Variants in DPYS observed in about 807,000 individuals in gnomAD.
The protein encoded by DPYS is dihydropyrimidinase, also known as dihydropyrimidine amidohydrolase.
A neutral mutation model predicts 50.3 loss-of-function variants in DPYS; 39 were observed. The ratio of observed to expected loss-of-function variants is 0.78; its 90% CI spans 0.60 to 1.01. The LOEUF (loss-of-function observed/expected upper bound fraction) is 1.01, where lower values mean the gene tolerates loss of function less well. Among genes scored for constraint, DPYS ranks in the 50% least tolerant of loss-of-function variants. The pLI, the probability that DPYS is intolerant of heterozygous loss-of-function variation, is 0.00. For synonymous variants in DPYS, 245 were observed against 250.7 expected (o/e 0.98, Z 0.22); for missense variants, 659 against 680.9 (o/e 0.97, Z 0.36).
chr8:104,440,784 A>G (rs1813328187), intron 4 of DPYS, among the ~76,000 whole-genome samples: 1 of 151,878 alleles, frequency 6.6e-6, no homozygotes. Context: ...AACAAAAAAC[A>G]AAAAAAAGAA....
chr8:104,443,722 G>A (rs1029372618), intron 4 of DPYS, among the ~76,000 whole-genome samples: 4 of 152,146 alleles, frequency 2.6e-5, no homozygotes, highest in Admixed American at 6.5e-5. Context: ...GTGAAACCCC[G>A]TCTCTACTAA....
intron 8 of DPYS, among the ~76,000 whole-genome samples, chr8:104,390,654 C>T (rs1306233914): frequency 2.0e-5 from 3 of 152,028 alleles, no homozygotes; most frequent in South Asian, 2.1e-4. Context: ...TGCGCTGCCA[C>T]GCCCAACTAA....
chr8:104,444,552 G>A, intron 3 of DPYS, 115 bp from the exon 4 acceptor site: 2 of 1,047,694 alleles, frequency 1.9e-6, no homozygotes, highest in Non-Finnish European at 2.8e-6. Context: ...AGGTATAGGG[G>A]TGTGTGTGTG....
At chr8:104,460,035 T>C (rs1814069739) in intron 1 of DPYS, among the ~76,000 whole-genome samples, 20 of 152,132 alleles carry the variant, frequency 1.3e-4, no homozygotes, top group Admixed American at 1.3e-3. Flanking sequence ...CCTATATATG[T>C]ATGTGAATTT....
chr8:104,390,943 C>T (rs191797344), intron 8 of DPYS, among the ~76,000 whole-genome samples: 22 of 152,256 alleles, frequency 1.4e-4, no homozygotes, highest in Admixed American at 1.3e-3. Context: ...TCTTCAGAAA[C>T]ACCGAGGATC....
intron 7 of DPYS, among the ~76,000 whole-genome samples, chr8:104,416,814 A>G (rs750930108): frequency 1.8e-4 from 27 of 152,160 alleles, no homozygotes; most frequent in Non-Finnish European, 3.2e-4. Flanking sequence ...CTAATAAGCC[A>G]TAACCATCAC....
chr8:104,409,055 C>A (rs1003893564), intron 7 of DPYS, among the ~76,000 whole-genome samples: 2 of 151,676 alleles, frequency 1.3e-5, no homozygotes, highest in Non-Finnish European at 2.9e-5. Flanking sequence ...CTCGTGATCC[C>A]AAAGTGCTGG....
chr8:104,421,925 C>T (rs1021964979), intron 7 of DPYS, among the ~76,000 whole-genome samples: 2 of 152,170 alleles, frequency 1.3e-5, no homozygotes, highest in African/African-American at 4.8e-5. Flanking sequence ...TAGTCTAAAA[C>T]GTGACTCAAA....
At chr8:104,459,043 A>G (rs758277560) in intron 1 of DPYS, among the ~76,000 whole-genome samples, 15 of 152,236 alleles carry the variant, frequency 9.9e-5, no homozygotes, top group Non-Finnish European at 2.2e-4. Flanking sequence ...GACTATCACT[A>G]TATAATACAG....
intron 3 of DPYS, among the ~76,000 whole-genome samples, chr8:104,445,914 G>A (rs573369903): frequency 2.6e-5 from 4 of 152,040 alleles, no homozygotes; most frequent in East Asian, 3.9e-4. Flanking sequence ...GCGTGGTGGC[G>A]GGCACCTGTA....
At chr8:104,402,628 G>C (rs1302455629) in intron 7 of DPYS, among the ~76,000 whole-genome samples, 1 of 152,168 alleles carries the variant, frequency 6.6e-6, no homozygotes, top group Non-Finnish European at 1.5e-5. Context: ...GACAACTTGA[G>C]CAGGAAAAGA....
chr8:104,451,291 G>A lies in DPYS; in HGVS notation c.378C>T (p.Cys126=). The A allele has an allele frequency of 6.2e-7, 1 of 1,614,162 alleles. No homozygotes were observed. Among genetic ancestry groups the A allele is most frequent in the Non-Finnish European group, 8.5e-7 (1 of 1,180,026 alleles). The change falls in exon 2 of 10, where the codon TGC becomes TGT. Residue 126 remains cysteine (C), a synonymous_variant. Transcript: ENST00000351513. ...CTGCCACATGAAGGCTGTAGTCGCA[G>A]CAAACTTTGGGATCAGCCCAGCTTC... ...TWRSWADPKV[C]CDYSLHVAVT...
chr8:104,386,528 T>TA (rs559135189), intron 8 of DPYS, among the ~76,000 whole-genome samples: 106 of 140,216 alleles, frequency 7.6e-4, no homozygotes, highest in Admixed American at 2.0e-3. Flanking sequence ...GTGAGACTCT[T>TA]AAAAAAAAAA....
chr8:104,442,555 CT>C (rs1813392836), intron 4 of DPYS, among the ~76,000 whole-genome samples: 1 of 152,132 alleles, frequency 6.6e-6, no homozygotes, highest in South Asian at 2.1e-4. Context: ...CTTATATTTT[CT>C]TTTTTAAGGG....
intron 1 of DPYS, 94 bp downstream of exon 1, chr8:104,466,563 C>A (rs979574221): frequency 1.5e-6 from 2 of 1,335,728 alleles, no homozygotes; most frequent in African/African-American, 3.1e-5. Flanking sequence ...CGCCGCGCCG[C>A]GCGAGGCGGC....
At chr8:104,435,903 A>C (rs1358313520) in intron 4 of DPYS, among the ~76,000 whole-genome samples, 1 of 152,132 alleles carries the variant, frequency 6.6e-6, no homozygotes, top group Non-Finnish European at 1.5e-5. Flanking sequence ...GATGGCAATA[A>C]TTCATAAAGA....
At position 104,447,389 on chromosome 8, in the gene DPYS, A is replaced by G; in HGVS notation, c.538T>C (p.Ser180Pro). ...ATTGCTCCAATTTCCTTGCACCGAG[A>G]GAAGGCTTCGTACAGCTCCAGGTCT... ...VTDLELYEAF[S>P]RCKEIGAIAQ... The change falls in exon 3 of 10, where the codon TCT becomes CCT. Residue 180 changes from serine to proline, a missense_variant. By Grantham distance (74) the Ser-to-Pro change is moderately conservative. Coordinates refer to ENST00000351513, the MANE Select transcript of DPYS (RefSeq NM_001385.3). The G allele has an allele frequency of 6.2e-7, 1 of 1,614,112 alleles. No homozygotes were observed. Among genetic ancestry groups the G allele is most frequent in the Non-Finnish European group, 8.5e-7 (1 of 1,180,024 alleles).
rs1812009617 is a variant in DPYS at position 104,406,742 on chromosome 8, G to A, written c.1236-13751C>T. Reference sequence around the variant, plus strand: ...GCCTTGCAGAGAGTCCAGTCCCTATGAGTGTGGAAGGTCAAGTCATACATA... The same window carrying A: ...GCCTTGCAGAGAGTCCAGTCCCTATAAGTGTGGAAGGTCAAGTCATACATA... On this transcript the variant is annotated intron_variant, in intron 7 of 9. Coordinates refer to ENST00000351513, the MANE Select transcript of DPYS (RefSeq NM_001385.3). Among the ~76,000 whole-genome samples, 2 of 152,184 alleles carry A rather than the reference G, an allele frequency of 1.3e-5. 1 individual carries two copies. Among genetic ancestry groups the A allele is most frequent in the South Asian group, 4.1e-4 (2 of 4,832 alleles).
chr8:104,454,437 T>C (rs1813857703), intron 1 of DPYS, among the ~76,000 whole-genome samples: 1 of 152,194 alleles, frequency 6.6e-6, no homozygotes, highest in Non-Finnish European at 1.5e-5. Flanking sequence ...GTGGTGATGC[T>C]TGCACAATTC....
Sources: allele counts gnomAD v4.1 joint callset (sites outside exome capture counted in the v4.1 genomes callset), GRCh38; gene constraint gnomAD v4.1.1; transcripts MANE v1.5; gene names NCBI Gene and HGNC (gene_info 2026-07-23, HGNC 2026-07-21).